The following SPON2 variants were observed in gnomAD, a reference collection of about 807,000 sequenced individuals.
The protein encoded by SPON2 is spondin 2.
Under a neutral mutation model 29.9 loss-of-function variants are expected in SPON2, and 32 were observed. The observed-to-expected ratio is 1.07, with a 90% CI of 0.81 to 1.44. The LOEUF (loss-of-function observed/expected upper bound fraction) is 1.44. Ranked by LOEUF, SPON2 falls within the 40% of genes most tolerant of loss-of-function variation. The pLI is 0.00. For missense variants in SPON2, 541 were observed against 455.5 expected (o/e 1.19, Z -1.71); for synonymous variants, 248 against 209.1 (o/e 1.19, Z -1.61).
In SPON2 at chr4:1,170,892, C is replaced by T. The variant is rs996525054; in HGVS notation, c.636+107G>A. 3.5e-6 allele frequency: 5 copies of T among 1,434,486 alleles called. No homozygotes were observed. In the African/African-American group the frequency reaches 4.2e-5, roughly 12 times the overall value. 88.9% of individuals were successfully genotyped at this position (1,434,486 alleles called of 1,614,324 possible). A position where few individuals can be genotyped will look rare whatever the true frequency, so the allele number is the denominator to read the frequency against. ...AAGCAGAGCCTCTTCCACACAAAAGCCGCAAGCGGCTGTCCTGGGCTGGGA... is the reference window on the plus strand; with the variant it reads ...AAGCAGAGCCTCTTCCACACAAAAGTCGCAAGCGGCTGTCCTGGGCTGGGA... On this transcript the variant is annotated intron_variant, in intron 4 of 5. Transcript: ENST00000290902.
At chr4:1,206,161 A>G (rs1041658600) in intron 1 of SPON2, among the ~76,000 whole-genome samples, 1 of 152,158 alleles carries the variant, frequency 6.6e-6, no homozygotes, top group African/African-American at 2.4e-5. Context: ...ACCCGGGGCC[A>G]TGAACAGGAG....
Position 1,191,518 on chromosome 4 carries a change from G to A in SPON2, c.-239+3472C>T, listed in dbSNP as rs763205902. Among the ~76,000 whole-genome samples the A allele has an allele frequency of 1.8e-4, 27 of 152,202 alleles. 1 individual carries two copies. The highest frequency in any genetic ancestry group is 6.3e-3 in the Middle Eastern group (2 of 316). ...AAAAGTCGTGAGTTTTGGCCCACAGGAGTAGACGGACAGGGTTGAGGAGCC... is the reference window on the plus strand; with the variant it reads ...AAAAGTCGTGAGTTTTGGCCCACAGAAGTAGACGGACAGGGTTGAGGAGCC... On this transcript the variant is annotated intron_variant, in intron 1 of 3. Transcript: ENST00000502483.
intron 4 of SPON2, 93 bp from the exon 5 acceptor site, chr4:1,170,669 G>A: frequency 7.1e-7 from 1 of 1,408,506 alleles, no homozygotes; most frequent in Non-Finnish European, 9.8e-7. Context: ...CCAGCGTCCA[G>A]CGTGCCCTCT....
rs897239316 is a variant in SPON2 at position 1,202,807 on chromosome 4, C to G, written c.-234+5073G>C. Among the ~76,000 whole-genome samples, 1 of 152,204 alleles carries G rather than the reference C, an allele frequency of 6.6e-6. No homozygotes were observed. The highest frequency in any genetic ancestry group is 2.1e-4 in the South Asian group (1 of 4,834). ...GAAATCTGGGTGCAGGCCACCATCG[C>G]CTGCAGTGTCAGCGCCCCGTGGATG... On this transcript the variant is annotated intron_variant, in intron 1 of 3. Coordinates refer to the SPON2 transcript ENST00000509233. The surrounding 1 kb of genome is among the most constrained non-coding windows in gnomAD (Gnocchi z 5.4).
chr4:1,193,384 G>A (rs1001065622), intron 1 of SPON2, among the ~76,000 whole-genome samples: 7 of 148,858 alleles, frequency 4.7e-5, no homozygotes, highest in South Asian at 2.2e-4. Flanking sequence ...AGTCCAGCAC[G>A]CCAGGCCTGG....
At chr4:1,201,019 T>C (rs1047585788) in intron 1 of SPON2, 3 of 456,446 alleles carry the variant, frequency 6.6e-6, no homozygotes, top group Non-Finnish European at 8.8e-6. Context: ...GTTCCCACCA[T>C]ACCTGGTCTG....
At chr4:1,206,464 C>T (rs972195767) in intron 1 of SPON2, among the ~76,000 whole-genome samples, 3 of 152,236 alleles carry the variant, frequency 2.0e-5, no homozygotes. Context: ...CTGTGACAGA[C>T]GAGAAGAGGG....
chr4:1,188,840 C>T (rs1252992015), intron 1 of SPON2, among the ~76,000 whole-genome samples: 3 of 152,134 alleles, frequency 2.0e-5, no homozygotes, highest in Admixed American at 6.5e-5. Context: ...ACTTGGCAGA[C>T]GTCTGTAGAA....
chr4:1,205,619 G>A (rs1205662564), intron 1 of SPON2, among the ~76,000 whole-genome samples: 1 of 152,176 alleles, frequency 6.6e-6, no homozygotes, highest in Non-Finnish European at 1.5e-5. Context: ...CGAGGCTTTT[G>A]CCAGCAGTGC....
At chr4:1,167,967 C>T in intron 5 of SPON2, 3 of 322,426 alleles carry the variant, frequency 9.3e-6, no homozygotes, top group Non-Finnish European at 1.7e-5. Flanking sequence ...CGTGGGAACC[C>T]CGGGAGAGGG....
chr4:1,185,196 G>A (rs1319502153), intron 1 of SPON2, among the ~76,000 whole-genome samples: 1 of 151,168 alleles, frequency 6.6e-6, no homozygotes, highest in Admixed American at 6.6e-5. Flanking sequence ...TTAGCCACCC[G>A]ACTAGTTGGG....
intron 2 of SPON2, among the ~76,000 whole-genome samples, chr4:1,178,483 T>A (rs1380735267): frequency 6.6e-6 from 1 of 151,384 alleles, no homozygotes; most frequent in Non-Finnish European, 1.5e-5. Context: ...CCTCTGTCCC[T>A]CCTCTTCAGC....
At chr4:1,175,428 TCA>T (rs2153077732), upstream of SPON2, among the ~76,000 whole-genome samples, 1 of 152,258 alleles carries the variant, frequency 6.6e-6, no homozygotes, top group South Asian at 2.1e-4. Flanking sequence ...TCATGCCGTC[TCA>T]GTGAGCTCTG....
chr4:1,207,319 C>T (rs986644281), intron 1 of SPON2, among the ~76,000 whole-genome samples: 1 of 152,184 alleles, frequency 6.6e-6, no homozygotes, highest in African/African-American at 2.4e-5. Flanking sequence ...CCAGTGTCCA[C>T]AGCCCTGGCC....
At chr4:1,195,004 TTCCAACCCCGCAGCCGGCGGC>T (rs1417757607) in exon 1 of SPON2, 15 of 44,780 alleles carry the variant, frequency 3.3e-4, no homozygotes, top group African/African-American at 9.6e-4. Flanking sequence ...CAGCCGGCGG[TTCCAACCCCGCAGCCGGCGGC>T]TCCAACCCCG....
Position 1,202,918 on chromosome 4 carries a change from G to A in SPON2, c.-234+4962C>T, listed in dbSNP as rs1728248914. ...CTGAGCCATGGCTGGGGCGGCCAAGGAGGGCTGGGCCAGGATCGGGGGAGA... is the reference window on the plus strand; with the variant it reads ...CTGAGCCATGGCTGGGGCGGCCAAGAAGGGCTGGGCCAGGATCGGGGGAGA... On this transcript the variant is annotated intron_variant, in intron 1 of 3. Coordinates refer to the SPON2 transcript ENST00000509233. This position sits in a 1 kb window ranked among gnomAD's most constrained non-coding sequence, Gnocchi z 5.4. 6.6e-6 allele frequency among the ~76,000 whole-genome samples: 1 copy of A among 152,176 alleles called. No individual in the cohort carries two copies.
chr4:1,193,889 G>A (rs1727975463), intron 1 of SPON2, among the ~76,000 whole-genome samples: 1 of 137,772 alleles, frequency 7.3e-6, no homozygotes. Context: ...AGGATGTGGG[G>A]GGTGTGGGAA....
At chr4:1,192,990 G>T (rs1272434393) in intron 1 of SPON2, among the ~76,000 whole-genome samples, 3 of 152,212 alleles carry the variant, frequency 2.0e-5, no homozygotes, top group Non-Finnish European at 2.9e-5. Context: ...GGTGGGGCAT[G>T]GGATGGAGAC....
intron 1 of SPON2, among the ~76,000 whole-genome samples, chr4:1,187,985 T>C (rs1727836211): frequency 6.6e-6 from 1 of 151,640 alleles, no homozygotes; most frequent in Admixed American, 6.6e-5. Flanking sequence ...GTGGATCTCC[T>C]GAGGTCAGGA....
Sources: gnomAD v4.1 joint callset for allele counts (sites outside exome capture counted in the v4.1 genomes callset) on GRCh38, gnomAD v4.1.1 for gene constraint, Gnocchi (gnomAD v3.1) non-coding constraint, MANE v1.5 for transcripts, NCBI Gene and HGNC (gene_info 2026-07-23, HGNC 2026-07-21) for gene names.